The following NFYA variants were observed in gnomAD, a reference collection of about 807,000 sequenced individuals.
The protein encoded by NFYA is nuclear transcription factor Y subunit alpha, also known as CAAT-box DNA binding protein subunit A.
In NFYA, 28 loss-of-function variants were observed where a neutral mutation model predicts 52.8. The ratio of observed to expected loss-of-function variants is 0.53; its 90% CI spans 0.39 to 0.73. NFYA has a LOEUF of 0.73. NFYA is among the 30% of genes least tolerant of loss of function. The pLI is 0.00. For synonymous variants in NFYA, 150 were observed against 150.7 expected (o/e 1.00, Z 0.03); for missense variants, 234 against 427.0 (o/e 0.55, Z 3.98).
At chr6:41,076,706 TTG>T (rs1329569349) in intron 1 of NFYA, among the ~76,000 whole-genome samples, 1 of 152,196 alleles carries the variant, frequency 6.6e-6, no homozygotes, top group Non-Finnish European at 1.5e-5. Context: ...ATTCAAAACT[TTG>T]TGTTAAGAGC....
At position 41,080,806 on chromosome 6, in the gene NFYA, C is replaced by A; in HGVS notation, c.76-5C>A. The A allele has an allele frequency of 1.2e-6, 2 of 1,611,966 alleles. No homozygotes were observed. Among genetic ancestry groups the A allele is most frequent in the Non-Finnish European group, 1.7e-6 (2 of 1,178,150 alleles). On this transcript the variant is annotated splice_region_variant and splice_polypyrimidine_tract_variant and intron_variant, in intron 2 of 9. Transcript: ENST00000341376. ...ATTTCAAGCTCTTCCTGTTCCTGTT[C>A]TCAGCAGCAGGGTGGTGTCACTGCT...
chr6:41,093,266 G>A (rs961055660), intron 8 of NFYA, among the ~76,000 whole-genome samples, 181 bp downstream of exon 8: 1 of 152,088 alleles, frequency 6.6e-6, no homozygotes, highest in Non-Finnish European at 1.5e-5. Context: ...TTATAATAAC[G>A]AAAACAAACA....
At chr6:41,089,755 AGAGTCAGATAACT>A in intron 5 of NFYA, 45 bp downstream of exon 5, 1 of 1,594,818 alleles carries the variant, frequency 6.3e-7, no homozygotes, top group Non-Finnish European at 8.5e-7. Context: ...CTGATTTGGA[AGAGTCAGATAACT>A]GAGTCAGATA....
rs1764448577 is a variant in NFYA, at chr6:41,099,661, A to G, written c.*2251A>G. 1 of 150,612 alleles carries G rather than the reference A, an allele frequency of 6.6e-6. No individual in the cohort carries two copies. Among genetic ancestry groups the G allele is most frequent in the South Asian group, 2.1e-4 (1 of 4,798 alleles). 9.3% of individuals were successfully genotyped at this position (150,612 alleles called of 1,614,324 possible). On this transcript the variant is annotated 3_prime_UTR_variant, in exon 10 of 10. Transcript: ENST00000341376. ...TAGTGATAACTTTACAGATGGAGAA[A>G]GAGTGAATGGATGAATGAATAATTG...
At chr6:41,076,502 G>A (rs1763736015) in intron 1 of NFYA, among the ~76,000 whole-genome samples, 1 of 152,146 alleles carries the variant, frequency 6.6e-6, no homozygotes, top group Non-Finnish European at 1.5e-5. Flanking sequence ...TTCTGAAGAG[G>A]TTTTAGCTTT....
chr6:41,077,757 A>G (rs1417695789), intron 1 of NFYA, among the ~76,000 whole-genome samples: 1 of 152,194 alleles, frequency 6.6e-6, no homozygotes, highest in Non-Finnish European at 1.5e-5. Flanking sequence ...ATCTATATGT[A>G]AATCCAAATT....
chr6:41,095,451 G>A (rs746707058), intron 9 of NFYA, among the ~76,000 whole-genome samples: 1 of 152,116 alleles, frequency 6.6e-6, no homozygotes, highest in Non-Finnish European at 1.5e-5. Context: ...TTCTCTCTCA[G>A]TATGTTCTTA....
At position 41,089,648 on chromosome 6, in the gene NFYA, G is replaced by A; in HGVS notation, c.379G>A (p.Gly127Ser). 6.2e-7 allele frequency: 1 copy of A among 1,612,664 alleles called. No homozygotes were observed. The highest frequency in any genetic ancestry group is 8.5e-7 in the Non-Finnish European group (1 of 1,180,004). The change falls in exon 5 of 10, where the codon GGC becomes AGC. Residue 127 changes from glycine to serine, a missense_variant. Transcript: ENST00000341376. ...GQAVQVQGQQ[G>S]QTQQIIIQQP... ...GGCTGTGCAGGTGCAGGGCCAGCAG[G>A]GCCAGACCCAGCAGATCATCATCCA...
Position 41,100,460 on chromosome 6 carries a change from A to T in NFYA, c.*3050A>T, listed in dbSNP as rs1439595490. Among the ~76,000 whole-genome samples the T allele has an allele frequency of 1.3e-5, 2 of 152,196 alleles. No homozygotes were observed. Among genetic ancestry groups the T allele is most frequent in the African/African-American group, 4.8e-5 (2 of 41,460 alleles). On this transcript the variant is annotated 3_prime_UTR_variant, in exon 10 of 10. Transcript: ENST00000341376. The stretch of plus-strand genomic sequence containing the variant: ...GCTGGGAATCTAAGCAACAAAGACT[A>T]GAAGCCTCCGATATGCCATTATCAA...
chr6:41,073,552 C>T (rs1231229516), intron 1 of NFYA, among the ~76,000 whole-genome samples: 1 of 152,080 alleles, frequency 6.6e-6, no homozygotes, highest in African/African-American at 2.4e-5. Flanking sequence ...GAAGCCTCCC[C>T]GGGGCCCGCG....
At chr6:41,086,705 A>G (rs1445182764) in intron 4 of NFYA, among the ~76,000 whole-genome samples, 1 of 152,172 alleles carries the variant, frequency 6.6e-6, no homozygotes, top group Non-Finnish European at 1.5e-5. Flanking sequence ...GGCCTGAGAA[A>G]GATACTGGAA....
rs538495012 is a variant in NFYA at position 41,089,809 on chromosome 6, G to A, written c.441+99G>A. The A allele has an allele frequency of 1.1e-4, 162 of 1,470,094 alleles. 3 individuals are homozygous for A. In the South Asian group the frequency reaches 1.6e-3, roughly 14 times the overall value. 91.1% of individuals were successfully genotyped at this position (1,470,094 alleles called of 1,614,324 possible). ...TGTATAGCATGTATAGTAGAAAAGG[G>A]GATGAAAACCATAAAAAAATATATT... On this transcript the variant is annotated intron_variant, in intron 5 of 9. Coordinates refer to ENST00000341376, the MANE Select transcript of NFYA (RefSeq NM_002505.5).
Position 41,101,408 on chromosome 6 carries a change from A to T in NFYA, c.*3998A>T, listed in dbSNP as rs1357192753. On this transcript the variant is annotated 3_prime_UTR_variant, in exon 10 of 10. Coordinates refer to ENST00000341376, the MANE Select transcript of NFYA (RefSeq NM_002505.5). Reference sequence around the variant, plus strand: ...CTCAGTCCTTGAGCTCACCCCAAAGATGATGAAATTGAAACTCAGAGGAAA... The same window carrying T: ...CTCAGTCCTTGAGCTCACCCCAAAGTTGATGAAATTGAAACTCAGAGGAAA... Among the ~76,000 whole-genome samples the T allele has an allele frequency of 6.6e-6, 1 of 152,200 alleles. No homozygotes were observed. The highest frequency in any genetic ancestry group is 2.1e-4 in the South Asian group (1 of 4,834).
At chr6:41,082,665 G>C (rs942361657) in intron 3 of NFYA, among the ~76,000 whole-genome samples, 3 of 152,196 alleles carry the variant, frequency 2.0e-5, no homozygotes, top group Non-Finnish European at 2.9e-5. Context: ...CTAGGGATCT[G>C]ATTATTTTGG....
rs1764168192 is a variant in NFYA, at chr6:41,090,389, G to T, written c.547+80G>T. 1.4e-5 allele frequency: 11 copies of T among 791,552 alleles called. No homozygotes were observed. In the South Asian group the frequency reaches 1.7e-4, roughly 12 times the overall value. The allele number at this position is 791,552 out of a possible 1,614,324, so 49.0% of individuals were successfully genotyped here. A position where few individuals can be genotyped will look rare whatever the true frequency, so the allele number is the denominator to read the frequency against. The stretch of plus-strand genomic sequence containing the variant: ...TAGACAACTGACATCTTTAGAATTT[G>T]AGTGGTGAACTTGACACTACATATT... On this transcript the variant is annotated intron_variant, in intron 6 of 9. Coordinates refer to ENST00000341376, the MANE Select transcript of NFYA (RefSeq NM_002505.5).
At chr6:41,084,968 A>C (rs1260358092) in intron 4 of NFYA, among the ~76,000 whole-genome samples, 1 of 152,248 alleles carries the variant, frequency 6.6e-6, no homozygotes, top group Non-Finnish European at 1.5e-5. Flanking sequence ...CTCAAAAAAA[A>C]AGAAGAGATT....
At chr6:41,087,537 T>C (rs1764080560) in intron 4 of NFYA, among the ~76,000 whole-genome samples, 1 of 152,214 alleles carries the variant, frequency 6.6e-6, no homozygotes, top group Non-Finnish European at 1.5e-5. Flanking sequence ...GCCATCTATG[T>C]TGAAGCAATG....
rs1338282390 is a variant in NFYA at position 41,098,472 on chromosome 6, G to A, written c.*1062G>A. On this transcript the variant is annotated 3_prime_UTR_variant, in exon 10 of 10. Transcript: ENST00000341376. ...GATACCTGGAATGGATCATTAAGAT[G>A]AAGAGAGTAATTCACATTTACTCTA... The A allele has an allele frequency of 6.6e-6, 1 of 152,204 alleles. No homozygotes were observed. Among genetic ancestry groups the A allele is most frequent in the Non-Finnish European group, 1.5e-5 (1 of 68,048 alleles). The allele number at this position is 152,204 out of a possible 1,614,324, so 9.4% of individuals were successfully genotyped here.
rs182943870 is a variant in NFYA at position 41,095,711 on chromosome 6, G to A, written c.990+1214G>A. 1.3e-4 allele frequency among the ~76,000 whole-genome samples: 20 copies of A among 152,290 alleles called. No individual in the cohort carries two copies. The South Asian group carries it at 3.9e-3, about 30-fold the overall frequency. The stretch of plus-strand genomic sequence containing the variant: ...CTCCCAAAGTGCTAGGATTACAGGC[G>A]CACACCATTGCACTTGGCCCTTTTC... On this transcript the variant is annotated intron_variant, in intron 9 of 9. Transcript: ENST00000341376.
Sources: allele counts gnomAD v4.1 joint callset (sites outside exome capture counted in the v4.1 genomes callset), GRCh38; gene constraint gnomAD v4.1.1; transcripts MANE v1.5; gene names NCBI Gene and HGNC (gene_info 2026-07-23, HGNC 2026-07-21).